CTBP2: variants seen among roughly 807,000 people sequenced by gnomAD.
CTBP2 encodes C-terminal-binding protein 2.
In CTBP2, 30 loss-of-function variants were observed where a neutral mutation model predicts 80.3. The ratio of observed to expected loss-of-function variants is 0.37; its 90% CI spans 0.28 to 0.51. CTBP2 has a LOEUF of 0.51. Among genes scored for constraint, CTBP2 ranks in the 20% least tolerant of loss-of-function variants. The pLI is 0.93. For missense variants in CTBP2, 1,212 were observed against 1,375.3 expected (o/e 0.88, Z 1.88); for synonymous variants, 594 against 587.4 (o/e 1.01, Z -0.16).
intron 2 of CTBP2, among the ~76,000 whole-genome samples, chr10:125,059,850 G>C (rs1964629430): frequency 6.6e-6 from 1 of 152,124 alleles, no homozygotes; most frequent in Non-Finnish European, 1.5e-5. Context: ...CTGGGAGTCA[G>C]GAAGGGGCCT....
intron 3 of CTBP2, among the ~76,000 whole-genome samples, chr10:125,035,608 A>C (rs944211459): frequency 2.0e-5 from 3 of 152,244 alleles, no homozygotes; most frequent in African/African-American, 4.8e-5. Context: ...GTTACCACCA[A>C]CAACAGCCAT....
rs1349744058 is a variant in CTBP2 at position 125,056,552 on chromosome 10, C to T, written c.-101-17397G>A. 2.0e-5 allele frequency among the ~76,000 whole-genome samples: 3 copies of T among 152,210 alleles called. No homozygotes were observed. In the East Asian group the frequency reaches 5.8e-4, roughly 29 times the overall value. On this transcript the variant is annotated intron_variant, in intron 2 of 10. Coordinates refer to the CTBP2 transcript ENST00000337195. Reference sequence around the variant, plus strand: ...CCTGTAAGATAACATCACAACACAGCGGCCCAGGAGTCAGGGTCATCTGCT... The same window carrying T: ...CCTGTAAGATAACATCACAACACAGTGGCCCAGGAGTCAGGGTCATCTGCT...
intron 1 of CTBP2, among the ~76,000 whole-genome samples, chr10:125,024,470 C>A (rs1381674843): frequency 6.6e-6 from 1 of 152,220 alleles, no homozygotes; most frequent in African/African-American, 2.4e-5. Context: ...CCCCTCACTC[C>A]ATACCCAAAT....
intron 1 of CTBP2, among the ~76,000 whole-genome samples, chr10:125,015,356 A>C (rs779078646): frequency 2.0e-5 from 3 of 152,260 alleles, no homozygotes; most frequent in South Asian, 4.1e-4. Context: ...GATGGAAAAG[A>C]AGCACTGCTG....
At chr10:124,999,821 A>C (rs1172187734) in intron 3 of CTBP2, 1 of 152,246 alleles carries the variant, frequency 6.6e-6, no homozygotes, top group Non-Finnish European at 1.5e-5. Context: ...CCAGAGGTTC[A>C]AGAAAATCTT....
chr10:125,153,519 A>G (rs189983967), intron 1 of CTBP2, among the ~76,000 whole-genome samples: 3 of 152,176 alleles, frequency 2.0e-5, no homozygotes, highest in Admixed American at 2.0e-4. Context: ...CTGGCCTTTC[A>G]CCCCCTCCAG....
intron 2 of CTBP2, among the ~76,000 whole-genome samples, chr10:125,099,875 A>G (rs937606728): frequency 2.6e-5 from 4 of 152,206 alleles, no homozygotes; most frequent in African/African-American, 9.6e-5. Context: ...GAACCAACAC[A>G]ATCCCAGCAC....
chr10:125,133,736 T>G (rs886127170), intron 1 of CTBP2: 28 of 152,332 alleles, frequency 1.8e-4, no homozygotes, highest in Admixed American at 4.6e-4. Context: ...GCCTTGGAAA[T>G]AATAAGCCAC....
intron 1 of CTBP2, among the ~76,000 whole-genome samples, chr10:125,149,950 C>T (rs1251261474): frequency 6.6e-6 from 1 of 152,236 alleles, no homozygotes; most frequent in African/African-American, 2.4e-5. Flanking sequence ...TTCTAAGGCC[C>T]ACACCACACG....
rs1861716506 is a variant in CTBP2, at chr10:125,160,239, G to C, written c.-206+80C>G. On this transcript the variant is annotated intron_variant, in intron 1 of 10. Transcript: ENST00000337195. ...CTCCCTGAGTGGCGCAGTGAGGCGCGGGCGCGGCGCCCCCAGCCCGCGGCC... is the reference window on the plus strand; with the variant it reads ...CTCCCTGAGTGGCGCAGTGAGGCGCCGGCGCGGCGCCCCCAGCCCGCGGCC... 4.6e-5 allele frequency: 7 copies of C among 152,162 alleles called. No homozygotes were observed. The South Asian group carries it at 1.1e-3, about 24-fold the overall frequency. The allele number at this position is 152,162 out of a possible 1,614,324, so 9.4% of individuals were successfully genotyped here.
rs145795665 is a variant in CTBP2 at position 124,989,603 on chromosome 10, G to A, written c.2873C>T (p.Pro958Leu). 2.5e-6 allele frequency: 4 copies of A among 1,613,060 alleles called. No individual in the cohort carries two copies. The South Asian group carries it at 3.3e-5, about 13-fold the overall frequency. ...CGCTTGGGAAGGATGTGCCACTGTC[G>A]GGAGGTTGTGAGTCACTGGGATGCC... is the stretch of plus-strand genomic sequence containing the variant. Residue 958 changes from proline (P) to leucine (L), a missense_variant, in exon 9 of 9, where the codon CCG (proline) becomes CTG (leucine). Physicochemically the swap from Pro to Leu is moderately conservative, Grantham distance 98 (BLOSUM62 -3). Transcript: ENST00000309035.
intron 1 of CTBP2, among the ~76,000 whole-genome samples, chr10:125,116,630 C>T (rs2135983188): frequency 6.6e-6 from 1 of 152,310 alleles, no homozygotes. Flanking sequence ...GCCCCCTCTC[C>T]TAGCCTGACA....
At chr10:124,990,488 T>C (rs906744468) in intron 8 of CTBP2, among the ~76,000 whole-genome samples, 3 of 152,230 alleles carry the variant, frequency 2.0e-5, no homozygotes, top group African/African-American at 7.2e-5. Context: ...TTGTAGCTTT[T>C]AGATAAGAAG....
At chr10:125,115,713 C>A (rs1159982114) in intron 1 of CTBP2, among the ~76,000 whole-genome samples, 3 of 152,204 alleles carry the variant, frequency 2.0e-5, no homozygotes, top group African/African-American at 7.2e-5. Context: ...TGACATTCAG[C>A]ACAAGAATCC....
chr10:125,074,947 C>T (rs1846060341), intron 2 of CTBP2, among the ~76,000 whole-genome samples: 1 of 152,160 alleles, frequency 6.6e-6, no homozygotes, highest in African/African-American at 2.4e-5. Flanking sequence ...CTTCCACAGG[C>T]GGAGCCGAGA....
At chr10:125,156,508 G>C (rs759862231) in intron 1 of CTBP2, among the ~76,000 whole-genome samples, 1 of 152,200 alleles carries the variant, frequency 6.6e-6, no homozygotes, top group Non-Finnish European at 1.5e-5. Context: ...TCTGGTGCTA[G>C]ATCTCAGCAG....
At position 124,993,195 on chromosome 10, in the gene CTBP2, G is replaced by T; in HGVS notation, c.2659+7C>A. ...CCTTGGCAGGCCAGAGGCACGGAGG[G>T]GCTCACCTGTGATGGCTCGGCGGAT... On this transcript the variant is annotated splice_region_variant and intron_variant, in intron 7 of 8. Coordinates refer to ENST00000309035, the MANE Select transcript of CTBP2 (RefSeq NM_022802.3). 1 of 1,592,066 alleles carries T rather than the reference G, an allele frequency of 6.3e-7. No homozygotes were observed. The highest frequency in any genetic ancestry group is 1.1e-5 in the South Asian group (1 of 90,332).
At chr10:125,106,214 C>T (rs970104395) in intron 2 of CTBP2, among the ~76,000 whole-genome samples, 1 of 149,156 alleles carries the variant, frequency 6.7e-6, no homozygotes, top group African/African-American at 2.6e-5. Context: ...ATGTGCGGCC[C>T]CACTTCACAT....
intron 1 of CTBP2, among the ~76,000 whole-genome samples, chr10:125,135,677 G>A (rs527788952): frequency 2.8e-4 from 43 of 152,156 alleles, no homozygotes; most frequent in African/African-American, 1.0e-3. Flanking sequence ...TCATTCCACT[G>A]CATTCTTTTG....
Sources: allele counts gnomAD v4.1 joint callset (sites outside exome capture counted in the v4.1 genomes callset), GRCh38; gene constraint gnomAD v4.1.1; transcripts MANE v1.5; gene names NCBI Gene and HGNC (gene_info 2026-07-23, HGNC 2026-07-21).